Variants in ENPP1 observed in about 807,000 individuals in gnomAD.
ENPP1 encodes ectonucleotide pyrophosphatase/phosphodiesterase 1.
ENPP1 carries 73 observed loss-of-function variants against 122.8 expected under a neutral mutation model. The ratio of observed to expected loss-of-function variants is 0.59; its 90% confidence interval spans 0.49 to 0.72. The LOEUF is 0.72. ENPP1 is among the 30% of genes least tolerant of loss of function. The pLI, the probability that ENPP1 is intolerant of heterozygous loss-of-function variation, is 0.00. For synonymous variants in ENPP1, 367 were observed against 391.6 expected (o/e 0.94, Z 0.74); for missense variants, 978 against 1,128.1 (o/e 0.87, Z 1.91).
At chr6:131,810,692 A>G (rs1781339108) in intron 1 of ENPP1, among the ~76,000 whole-genome samples, 1 of 152,212 alleles carries the variant, frequency 6.6e-6, no homozygotes, top group South Asian at 2.1e-4. Flanking sequence ...CCTCAGCTAC[A>G]CTGTTTTAAT....
chr6:131,890,954 G>T lies in ENPP1; in HGVS notation c.*443G>T. ...TTTATGAGAATTTTAAAGTGGTTCT[G>T]GATATCTTTTAACTTGGAGTTTCAT... On this transcript the variant is annotated 3_prime_UTR_variant, in exon 25 of 25. Transcript: ENST00000647893. 1 of 156,554 alleles carries T rather than the reference G, an allele frequency of 6.4e-6. No individual in the cohort carries two copies. Among genetic ancestry groups the T allele is most frequent in the Admixed American group, 6.3e-5 (1 of 15,982 alleles). 9.7% of individuals were successfully genotyped at this position (156,554 alleles called of 1,614,324 possible).
At chr6:131,886,383 T>C (rs1400340365) in intron 23 of ENPP1, among the ~76,000 whole-genome samples, 179 bp from the exon 24 acceptor site, 1 of 152,216 alleles carries the variant, frequency 6.6e-6, no homozygotes, top group East Asian at 1.9e-4. Flanking sequence ...CTGCCTGTCT[T>C]CTAATTATTG....
intron 21 of ENPP1, 84 bp downstream of exon 21, chr6:131,882,558 A>C: frequency 1.5e-6 from 1 of 660,774 alleles, no homozygotes. Context: ...ATTATAGGGT[A>C]ATATATATAT....
intron 19 of ENPP1, among the ~76,000 whole-genome samples, chr6:131,879,393 T>C (rs192356527): frequency 3.3e-5 from 5 of 150,244 alleles, no homozygotes; most frequent in Admixed American, 2.0e-4. Flanking sequence ...AATGTAAAAA[T>C]TAGTTATATG....
chr6:131,845,624 A>AT (rs1781800266), intron 1 of ENPP1, among the ~76,000 whole-genome samples: 1 of 151,310 alleles, frequency 6.6e-6, no homozygotes, highest in Admixed American at 6.6e-5. Flanking sequence ...TGCTGGGCTA[A>AT]TTTTTTGTAT....
chr6:131,854,836 C>G, intron 5 of ENPP1, 90 bp from the exon 6 acceptor site: 1 of 894,104 alleles, frequency 1.1e-6, no homozygotes, highest in Non-Finnish European at 1.9e-6. Context: ...AAAATCTTCA[C>G]TGGACCTGTG....
At chr6:131,876,667 TA>T (rs1782233748) in intron 17 of ENPP1, among the ~76,000 whole-genome samples, 2 of 152,334 alleles carry the variant, frequency 1.3e-5, no homozygotes, top group Non-Finnish European at 2.9e-5. Flanking sequence ...GATGATAACT[TA>T]TAAAATTGTT....
intron 1 of ENPP1, among the ~76,000 whole-genome samples, chr6:131,841,420 AC>A (rs1344302273): frequency 6.6e-6 from 1 of 152,230 alleles, no homozygotes; most frequent in Admixed American, 6.5e-5. Flanking sequence ...GCACTTTCAT[AC>A]CGTCTGACAC....
At chr6:131,883,879 C>A in intron 22 of ENPP1, 105 bp downstream of exon 22, 1 of 671,174 alleles carries the variant, frequency 1.5e-6, no homozygotes, top group Non-Finnish European at 2.7e-6. Context: ...TGAATTAATA[C>A]CAAATACATT....
chr6:131,861,551 A>G, intron 8 of ENPP1, 44 bp from the exon 9 acceptor site: 2 of 1,200,464 alleles, frequency 1.7e-6, no homozygotes, highest in Non-Finnish European at 2.5e-6. Flanking sequence ...CTAAGAGATG[A>G]ATGTTTGCAT....
intron 1 of ENPP1, among the ~76,000 whole-genome samples, chr6:131,821,664 A>G (rs376759767): frequency 7.2e-5 from 11 of 152,292 alleles, no homozygotes; most frequent in Admixed American, 2.6e-4. Context: ...AGCGTTGCCA[A>G]TCTTCTGTCT....
chr6:131,831,114 CAAAAAAAAAAA>C (rs3036850), intron 1 of ENPP1, among the ~76,000 whole-genome samples: 107 of 60,008 alleles, frequency 1.8e-3, no homozygotes, highest in African/African-American at 6.4e-3. Context: ...GCCCATCTCT[CAAAAAAAAAAA>C]AAAAAAAAAA....
intron 1 of ENPP1, among the ~76,000 whole-genome samples, chr6:131,845,992 TTCC>T (rs1353447620): frequency 1.3e-5 from 2 of 152,192 alleles, no homozygotes; most frequent in Non-Finnish European, 2.9e-5. Flanking sequence ...GCAAAAACTC[TTCC>T]TTTCTTTTAT....
chr6:131,858,843 T>G (rs1781982106), intron 7 of ENPP1, 96 bp downstream of exon 7: 1 of 944,194 alleles, frequency 1.1e-6, no homozygotes, highest in Non-Finnish European at 1.7e-6. Context: ...GAAAAACAAC[T>G]TATTTTCCAA....
At chr6:131,884,604 T>C (rs1782352857) in intron 22 of ENPP1, among the ~76,000 whole-genome samples, 1 of 152,108 alleles carries the variant, frequency 6.6e-6, no homozygotes, top group Non-Finnish European at 1.5e-5. Context: ...ATCTGGTGTC[T>C]AGTCTCTACA....
chr6:131,810,097 A>G (rs781621405), intron 1 of ENPP1, among the ~76,000 whole-genome samples: 18 of 152,162 alleles, frequency 1.2e-4, no homozygotes, highest in Non-Finnish European at 2.6e-4. Context: ...GGTGACTCAT[A>G]CCTATTATCT....
Position 131,868,559 on chromosome 6 carries a change from C to T in ENPP1, c.1273+433C>T, listed in dbSNP as rs142593164. 3.3e-3 allele frequency among the ~76,000 whole-genome samples: 505 copies of T among 152,298 alleles called. 4 individuals are homozygous for T. Among genetic ancestry groups the T allele is most frequent in the African/African-American group, 0.011 (476 of 41,562 alleles). On this transcript the variant is annotated intron_variant, in intron 12 of 24. Coordinates refer to ENST00000647893, the MANE Select transcript of ENPP1 (RefSeq NM_006208.3). ...GGCTCAAGTGATTCTCCTACCTCAG[C>T]CTCCTGAGTAGCTGGAACTACTGGC...
At chr6:131,830,243 A>G (rs1164297158) in intron 1 of ENPP1, among the ~76,000 whole-genome samples, 2 of 152,138 alleles carry the variant, frequency 1.3e-5, no homozygotes, top group Admixed American at 6.5e-5. Context: ...CAGAGGGTGA[A>G]GGTGAGCTGC....
At chr6:131,866,813 A>G (rs1782097417) in intron 11 of ENPP1, among the ~76,000 whole-genome samples, 1 of 152,190 alleles carries the variant, frequency 6.6e-6, no homozygotes, top group African/African-American at 2.4e-5. Flanking sequence ...GTCAAAGGGA[A>G]AAGTTTCTTG....
Sources: gnomAD v4.1 joint callset for allele counts (sites outside exome capture counted in the v4.1 genomes callset) on GRCh38, gnomAD v4.1.1 for gene constraint, MANE v1.5 for transcripts, NCBI Gene and HGNC (gene_info 2026-07-23, HGNC 2026-07-21) for gene names.